Variants in LUZP2 observed in about 807,000 individuals in gnomAD.
LUZP2 encodes leucine zipper protein 2.
A neutral mutation model predicts 51.6 loss-of-function variants in LUZP2; 52 were observed. That is an observed-to-expected ratio of 1.01 (90% CI 0.81 to 1.27). The LOEUF (loss-of-function observed/expected upper bound fraction) is 1.27, where lower values mean the gene tolerates loss of function less well. LUZP2 is among the 50% of genes most tolerant of loss of function. The pLI is 0.00. For synonymous variants in LUZP2, 154 were observed against 137.3 expected (o/e 1.12, Z -0.85); for missense variants, 436 against 395.4 (o/e 1.10, Z -0.87).
At chr11:24,752,177 G>A (rs12270550) in intron 4 of LUZP2, among the ~76,000 whole-genome samples, 4,049 of 152,072 alleles carry the variant, frequency 0.027, 176 homozygotes, top group African/African-American at 0.091. Context: ...AAACTTTATC[G>A]TGCCATCGTG....
intron 1 of LUZP2, among the ~76,000 whole-genome samples, chr11:24,573,703 A>G (rs572604548): frequency 6.6e-6 from 1 of 152,168 alleles, no homozygotes; most frequent in South Asian, 2.1e-4. Context: ...GACACATGGT[A>G]TAAACCATCT....
chr11:24,524,063 G>A (rs1344363206), intron 1 of LUZP2, among the ~76,000 whole-genome samples: 2 of 151,650 alleles, frequency 1.3e-5, no homozygotes, highest in African/African-American at 4.8e-5. Flanking sequence ...TGCTTGATAT[G>A]GAATAAGAGT....
chr11:24,659,966 G>A (rs938287692), intron 1 of LUZP2, among the ~76,000 whole-genome samples: 1 of 152,116 alleles, frequency 6.6e-6, no homozygotes, highest in African/African-American at 2.4e-5. Flanking sequence ...GTTGTAATTA[G>A]GTCCATAATC....
intron 1 of LUZP2, among the ~76,000 whole-genome samples, chr11:24,582,043 C>A (rs1204289878): frequency 6.6e-6 from 1 of 152,090 alleles, no homozygotes. Context: ...TATTTTGAAT[C>A]ATTTCATTTT....
intron 1 of LUZP2, among the ~76,000 whole-genome samples, chr11:24,717,091 C>T (rs968424308): frequency 6.6e-6 from 1 of 151,734 alleles, no homozygotes; most frequent in African/African-American, 2.4e-5. Context: ...CTTTATAGTT[C>T]TAGGAGGAGA....
At chr11:24,738,767 C>A (rs905812410) in intron 4 of LUZP2, among the ~76,000 whole-genome samples, 9 of 152,064 alleles carry the variant, frequency 5.9e-5, no homozygotes, top group African/African-American at 2.2e-4. Flanking sequence ...AACTCCTCTC[C>A]TGACAGCAAG....
intron 7 of LUZP2, among the ~76,000 whole-genome samples, chr11:24,936,304 GA>G (rs1565132123): frequency 6.6e-6 from 1 of 152,110 alleles, no homozygotes; most frequent in Non-Finnish European, 1.5e-5. Context: ...ATTTTTTAAA[GA>G]AAAGATTTAT....
chr11:24,527,087 CA>C (rs1850830811), intron 1 of LUZP2, among the ~76,000 whole-genome samples: 1 of 151,356 alleles, frequency 6.6e-6, no homozygotes, highest in African/African-American at 2.4e-5. Context: ...CATTTTAACT[CA>C]TAAACATTTG....
intron 9 of LUZP2, among the ~76,000 whole-genome samples, chr11:25,008,551 A>T (rs1023430251): frequency 6.6e-6 from 1 of 151,940 alleles, no homozygotes; most frequent in Non-Finnish European, 1.5e-5. Flanking sequence ...GGCATGTGAC[A>T]CCCCAGCAGC....
At chr11:24,729,559 G>T (rs1486713) in intron 2 of LUZP2, among the ~76,000 whole-genome samples, 24 of 151,756 alleles carry the variant, frequency 1.6e-4, no homozygotes, top group Admixed American at 7.9e-4. Context: ...CTGTGTTTTT[G>T]GTATTATAAA....
intron 5 of LUZP2, among the ~76,000 whole-genome samples, chr11:24,854,704 G>C (rs967409481): frequency 2.3e-4 from 34 of 150,836 alleles, no homozygotes; most frequent in Non-Finnish European, 4.3e-4. Context: ...AGCTAGCTTG[G>C]CATCTGCCCA....
At chr11:25,029,805 A>G (rs1857593358) in intron 9 of LUZP2, among the ~76,000 whole-genome samples, 1 of 96,432 alleles carries the variant, frequency 1.0e-5, no homozygotes, top group South Asian at 3.1e-4. Context: ...TTTTTCTCTC[A>G]TAAAATTTGC....
chr11:24,586,587 A>T (rs1438090264), intron 1 of LUZP2, among the ~76,000 whole-genome samples: 1 of 152,098 alleles, frequency 6.6e-6, no homozygotes, highest in Non-Finnish European at 1.5e-5. Flanking sequence ...TTTTAATAAA[A>T]TAAATCTTGA....
chr11:24,937,092 CTT>C (rs1854607247), intron 7 of LUZP2, among the ~76,000 whole-genome samples: 1 of 152,006 alleles, frequency 6.6e-6, no homozygotes, highest in Non-Finnish European at 1.5e-5. Context: ...GTAAGAAGCA[CTT>C]ATCTTGGGGT....
chr11:24,886,261 A>T (rs1302545281), intron 5 of LUZP2, among the ~76,000 whole-genome samples: 1 of 152,190 alleles, frequency 6.6e-6, no homozygotes, highest in Non-Finnish European at 1.5e-5. Context: ...ATGTTTTTCT[A>T]ATTTTAAAGA....
intron 1 of LUZP2, among the ~76,000 whole-genome samples, chr11:24,642,512 C>T (rs1484780402): frequency 1.3e-5 from 2 of 151,850 alleles, no homozygotes; most frequent in South Asian, 2.1e-4. Flanking sequence ...ACTCATTTTA[C>T]ATCTAGAAAG....
At chr11:24,649,955 A>T (rs1855574830) in intron 1 of LUZP2, among the ~76,000 whole-genome samples, 2 of 135,804 alleles carry the variant, frequency 1.5e-5, no homozygotes, top group South Asian at 5.0e-4. Context: ...ACACAGACAC[A>T]GACACACACA....
intron 7 of LUZP2, among the ~76,000 whole-genome samples, chr11:24,917,478 T>A (rs1853830696): frequency 6.6e-6 from 1 of 152,220 alleles, no homozygotes; most frequent in African/African-American, 2.4e-5. Flanking sequence ...GTCTAACATG[T>A]AAGTCTTTAA....
rs776739280 is a variant in LUZP2, at chr11:24,774,362, C to CTCTCTCTCTA, written c.396+11055_396+11056insCTCTCTCTAT. On this transcript the variant is annotated intron_variant, in intron 5 of 11. Coordinates refer to ENST00000336930, the MANE Select transcript of LUZP2 (RefSeq NM_001009909.4). ...TCTCTCTCTCTCTCTCTCTCTCTCT[C>CTCTCTCTCTA]TATATATATATATATATATACATAC... 1.2e-3 allele frequency among the ~76,000 whole-genome samples: 93 copies of CTCTCTCTCTA among 76,308 alleles called. 1 individual carries two copies. The highest frequency in any genetic ancestry group is 1.7e-3 in the Non-Finnish European group (71 of 41,818). The allele number at this position is 76,308 out of a possible 152,430, so 50.1% of individuals were successfully genotyped here. A position where few individuals can be genotyped will look rare whatever the true frequency, so the allele number is the denominator to read the frequency against.
Sources: gnomAD v4.1 joint callset for allele counts (sites outside exome capture counted in the v4.1 genomes callset) on GRCh38, gnomAD v4.1.1 for gene constraint, MANE v1.5 for transcripts, NCBI Gene and HGNC (gene_info 2026-07-23, HGNC 2026-07-21) for gene names.